Variants in AP3S1 observed in about 807,000 individuals in gnomAD.
The protein encoded by AP3S1 is adaptor related protein complex 3 subunit sigma 1, also known as AP-3 complex subunit sigma-1.
Under a neutral mutation model 21.3 loss-of-function variants are expected in AP3S1, and 12 were observed. The observed-to-expected ratio is 0.56, with a 90% CI of 0.36 to 0.91. The LOEUF (loss-of-function observed/expected upper bound fraction) is 0.91, where lower values mean the gene tolerates loss of function less well. Ranked by LOEUF, AP3S1 falls within the 40% of genes least tolerant of loss-of-function variation. The pLI, the probability that AP3S1 is intolerant of heterozygous loss-of-function variation, is 0.01. For missense variants in AP3S1, 116 were observed against 225.0 expected, an observed-to-expected ratio of 0.52 and a Z score of 3.10; for synonymous variants, 48 against 78.4, an observed-to-expected ratio of 0.61 and a Z score of 2.05.
chr5:115,842,217 C>A (rs551305651), intron 1 of AP3S1, 111 bp downstream of exon 1: 7 of 1,395,116 alleles, frequency 5.0e-6, no homozygotes, highest in African/African-American at 1.5e-5. Flanking sequence ...GCCCTTGTCC[C>A]GTCCCGGCCG....
At chr5:115,904,447 G>A (rs1751475767) in intron 5 of AP3S1, among the ~76,000 whole-genome samples, 1 of 152,148 alleles carries the variant, frequency 6.6e-6, no homozygotes, top group Non-Finnish European at 1.5e-5. Context: ...ACATTTTCCA[G>A]TGTTCTCTTT....
intron 1 of AP3S1, among the ~76,000 whole-genome samples, chr5:115,861,753 A>C (rs1763203100): frequency 6.6e-6 from 1 of 151,392 alleles, no homozygotes; most frequent in African/African-American, 2.4e-5. Flanking sequence ...TGCCATGTTG[A>C]CCAGGCTGGT....
intron 5 of AP3S1, chr5:115,904,063 GT>G (rs1489868127): frequency 6.6e-6 from 1 of 151,316 alleles, no homozygotes; most frequent in Non-Finnish European, 1.5e-5. Context: ...GGGCAACAGA[GT>G]AAAACTTCAT....
At position 115,841,980 on chromosome 5, in the gene AP3S1, C is replaced by A. The variant is rs539900902; in HGVS notation, c.-58C>A. The stretch of plus-strand genomic sequence containing the variant: ...TCGCAGGCGAGATTACGAGGCGAGG[C>A]TCGCGCGCCCGCCCCCGCCCTGGCC... On this transcript the variant is annotated 5_prime_UTR_variant, in exon 1 of 6. Transcript: ENST00000316788. 2 of 1,520,350 alleles carry A rather than the reference C, an allele frequency of 1.3e-6. No homozygotes were observed. The highest frequency in any genetic ancestry group is 1.8e-6 in the Non-Finnish European group (2 of 1,130,140). 94.2% of individuals were successfully genotyped at this position (1,520,350 alleles called of 1,614,324 possible).
intron 5 of AP3S1, chr5:115,906,847 G>A: frequency 6.6e-7 from 1 of 1,521,528 alleles, no homozygotes; most frequent in Non-Finnish European, 8.8e-7. Flanking sequence ...CTCCCAGACA[G>A]GACAGGTAGA....
At chr5:115,868,032 TCA>T (rs1347469753) in intron 2 of AP3S1, among the ~76,000 whole-genome samples, 3 of 152,202 alleles carry the variant, frequency 2.0e-5, no homozygotes, top group Non-Finnish European at 2.9e-5. Flanking sequence ...TTCTCAGGCC[TCA>T]GTTTTCTCCT....
At chr5:115,879,417 A>T (rs536365446) in intron 3 of AP3S1, among the ~76,000 whole-genome samples, 12 of 152,246 alleles carry the variant, frequency 7.9e-5, no homozygotes, top group African/African-American at 2.9e-4. Context: ...AGGGGTGTTG[A>T]ATTTTATCAA....
chr5:115,899,865 ATAAT>A (rs930318153), intron 4 of AP3S1, among the ~76,000 whole-genome samples: 1 of 152,138 alleles, frequency 6.6e-6, no homozygotes, highest in African/African-American at 2.4e-5. Context: ...AGAATGAGGA[ATAAT>A]TAAAGTATTT....
intron 4 of AP3S1, among the ~76,000 whole-genome samples, chr5:115,899,618 C>G (rs1006497768): frequency 4.6e-5 from 7 of 152,006 alleles, no homozygotes; most frequent in Admixed American, 2.0e-4. Context: ...TTTAAAAGTA[C>G]TTAAGATTTG....
intron 1 of AP3S1, among the ~76,000 whole-genome samples, chr5:115,848,039 C>A (rs1006365272): frequency 1.3e-5 from 2 of 152,126 alleles, no homozygotes; most frequent in Admixed American, 6.5e-5. Context: ...ATAAAGTCTT[C>A]AAAGTTAAAA....
At chr5:115,889,630 G>A (rs914280944) in intron 3 of AP3S1, among the ~76,000 whole-genome samples, 4 of 152,100 alleles carry the variant, frequency 2.6e-5, no homozygotes, top group African/African-American at 9.7e-5. Context: ...CACAGAACTG[G>A]CAAAGGTATT....
At chr5:115,907,965 G>A (rs1033712018) in intron 5 of AP3S1, among the ~76,000 whole-genome samples, 9 of 152,098 alleles carry the variant, frequency 5.9e-5, no homozygotes, top group East Asian at 5.8e-4. Context: ...ATAAACTTAC[G>A]AAGTTAGATT....
At chr5:115,854,258 G>A (rs1447011125) in intron 1 of AP3S1, among the ~76,000 whole-genome samples, 1 of 152,114 alleles carries the variant, frequency 6.6e-6, no homozygotes, top group Non-Finnish European at 1.5e-5. Flanking sequence ...TGAACTTTGG[G>A]GGAGACATTC....
Position 115,871,883 on chromosome 5 carries a change from G to C in AP3S1, c.273+1755G>C, listed in dbSNP as rs1748287769. Among the ~76,000 whole-genome samples, 3 of 152,140 alleles carry C rather than the reference G, an allele frequency of 2.0e-5. No individual in the cohort carries two copies. In the South Asian group the frequency reaches 6.2e-4, roughly 31 times the overall value. On this transcript the variant is annotated intron_variant, in intron 3 of 5. Transcript: ENST00000316788. ...CTAGCACCTTGCTTCCCAGTGCACA[G>C]ATAAAATTGGCTTTTGAAGTTAGCA...
intron 3 of AP3S1, among the ~76,000 whole-genome samples, chr5:115,886,687 A>G (rs1749811606): frequency 6.6e-6 from 1 of 152,174 alleles, no homozygotes; most frequent in Non-Finnish European, 1.5e-5. Flanking sequence ...CTGTGTGGAG[A>G]GTCAGCATCC....
chr5:115,867,490 A>G (rs946784363), intron 2 of AP3S1, among the ~76,000 whole-genome samples: 2 of 152,180 alleles, frequency 1.3e-5, no homozygotes, highest in Admixed American at 1.3e-4. Flanking sequence ...AGTCAGAGAA[A>G]CTTAGAATTT....
At chr5:115,883,012 C>T (rs1350866039) in intron 3 of AP3S1, among the ~76,000 whole-genome samples, 3 of 152,172 alleles carry the variant, frequency 2.0e-5, no homozygotes, top group Non-Finnish European at 4.4e-5. Flanking sequence ...AGGGGTAAAC[C>T]GCCTACTCAA....
intron 1 of AP3S1, among the ~76,000 whole-genome samples, chr5:115,843,038 G>A (rs549262835): frequency 1.3e-5 from 2 of 152,200 alleles, no homozygotes; most frequent in Non-Finnish European, 2.9e-5. Flanking sequence ...AGGCATTAAG[G>A]TAGTAGAGAT....
chr5:115,854,899 C>T (rs1762687331), intron 1 of AP3S1, among the ~76,000 whole-genome samples: 1 of 152,034 alleles, frequency 6.6e-6, no homozygotes, highest in Admixed American at 6.6e-5. Context: ...TTCCTCTTGA[C>T]TTCTTACAGT....
Sources: allele counts gnomAD v4.1 joint callset (sites outside exome capture counted in the v4.1 genomes callset), GRCh38; gene constraint gnomAD v4.1.1; transcripts MANE v1.5; gene names NCBI Gene and HGNC (gene_info 2026-07-23, HGNC 2026-07-21).